Variants in CCP110 observed in about 807,000 individuals in gnomAD.
CCP110 encodes centriolar coiled-coil protein 110, also known as centriolar coiled-coil protein of 110 kDa.
A neutral mutation model predicts 105.5 loss-of-function variants in CCP110; 43 were observed. The ratio of observed to expected loss-of-function variants is 0.41; its 90% CI spans 0.32 to 0.53. The LOEUF (loss-of-function observed/expected upper bound fraction) is 0.53. CCP110 is among the 20% of genes least tolerant of loss of function. The pLI, the probability that CCP110 is intolerant of heterozygous loss-of-function variation, is 0.32. For synonymous variants in CCP110, 353 were observed against 392.1 expected (o/e 0.90, Z 1.18); for missense variants, 1,016 against 1,189.1 (o/e 0.85, Z 2.14).
chr16:19,545,203 G>C, exon 10 of CCP110: 1 of 1,557,602 alleles, frequency 6.4e-7, no homozygotes, highest in Non-Finnish European at 8.8e-7. Flanking sequence ...AAAATGCTCA[G>C]GCAAATGGTA....
chr16:19,540,027 C>T lies in CCP110; in HGVS notation c.1919-630C>T, dbSNP rs568907907. ...CGAACTCCTGACCTCAAGTGATCCA[C>T]CTGCCTTGGCCTCCCAAAGTACTGG... On this transcript the variant is annotated intron_variant, in intron 4 of 14. Transcript: ENST00000381396. Among the ~76,000 whole-genome samples the T allele has an allele frequency of 5.3e-5, 8 of 152,196 alleles. No individual in the cohort carries two copies. In the South Asian group the frequency reaches 6.2e-4, roughly 12 times the overall value.
chr16:19,536,989 T>G, exon 4 of CCP110: 1 of 1,614,204 alleles, frequency 6.2e-7, no homozygotes, highest in Non-Finnish European at 8.5e-7. Flanking sequence ...CAAGCAAGGT[T>G]TATGTGGGCA....
exon 15 of CCP110, chr16:19,551,274 T>TG: frequency 6.3e-7 from 1 of 1,583,230 alleles, no homozygotes. Context: ...TAGGATAAAA[T>TG]GGGGGGAAGG....
intron 2 of CCP110, among the ~76,000 whole-genome samples, chr16:19,530,058 G>T (rs8060736): frequency 0.018 from 2,669 of 152,136 alleles, 92 homozygotes; most frequent in African/African-American, 0.062. Context: ...AGAGCTGGGT[G>T]TGGTGGCGCG....
At chr16:19,537,528 G>C in exon 4 of CCP110, 1 of 1,604,910 alleles carries the variant, frequency 6.2e-7, no homozygotes, top group Non-Finnish European at 8.5e-7. Flanking sequence ...CCAGAAAAAA[G>C]ATACCCTAAG....
chr16:19,535,092 G>A (rs1005129839), intron 3 of CCP110, among the ~76,000 whole-genome samples: 5 of 151,934 alleles, frequency 3.3e-5, no homozygotes, highest in African/African-American at 1.2e-4. Context: ...GTGTTAGCCA[G>A]GATGATCTTG....
exon 4 of CCP110, chr16:19,536,591 C>A: frequency 6.2e-7 from 1 of 1,614,136 alleles, no homozygotes; most frequent in Non-Finnish European, 8.5e-7. Context: ...TGCTTCCACT[C>A]AAGCAAGCAG....
At position 19,541,870 on chromosome 16, in the gene CCP110, A is replaced by G; in HGVS notation, c.2050-17A>G. The G allele has an allele frequency of 6.6e-7, 1 of 1,513,086 alleles. No individual in the cohort carries two copies. The highest frequency in any genetic ancestry group is 8.9e-7 in the Non-Finnish European group (1 of 1,122,774). The allele number at this position is 1,513,086 out of a possible 1,614,324, so 93.7% of individuals were successfully genotyped here. ...ATTAAAAGGTTTAGCATGTTACAAT[A>G]AACTGTTCATGTATAGGAAATAGAA... On this transcript the variant is annotated splice_polypyrimidine_tract_variant and intron_variant, in intron 5 of 14. Coordinates refer to ENST00000381396, the Ensembl canonical transcript of CCP110.
intron 4 of CCP110, among the ~76,000 whole-genome samples, chr16:19,540,013 C>A (rs1249210016): frequency 2.0e-5 from 3 of 151,552 alleles, no homozygotes; most frequent in East Asian, 3.9e-4. Flanking sequence ...GAACTCCTGA[C>A]CTCAAGTGAT....
intron 12 of CCP110, 53 bp downstream of exon 12, chr16:19,546,527 A>G: frequency 8.7e-7 from 1 of 1,148,652 alleles, no homozygotes; most frequent in Non-Finnish European, 1.3e-6. Flanking sequence ...TTATAGAAAA[A>G]AAAAATTGGC....
chr16:19,551,123 A>T (rs1466551604), intron 14 of CCP110, 73 bp from the exon 14 acceptor site: 1 of 888,384 alleles, frequency 1.1e-6, no homozygotes, highest in African/African-American at 1.6e-5. Flanking sequence ...GTTCCAGAGT[A>T]AAAACTCATT....
rs550095345 is a variant in CCP110, at chr16:19,538,245, AAGC to A, written c.1918+659_1918+661del. Among the ~76,000 whole-genome samples, 597 of 149,714 alleles carry A rather than the reference AAGC, an allele frequency of 4.0e-3. 3 individuals carry two copies. The highest frequency in any genetic ancestry group is 0.014 in the Middle Eastern group (4 of 288). On this transcript the variant is annotated intron_variant, in intron 4 of 14. Coordinates refer to ENST00000381396, the Ensembl canonical transcript of CCP110. The stretch of plus-strand genomic sequence containing the variant: ...GATGGATCTTCTTATTTAAATGATG[AAGC>A]TTTCATAGTCCACTTGGTATTATTG...
At chr16:19,530,847 G>A (rs1969841677) in intron 2 of CCP110, among the ~76,000 whole-genome samples, 3 of 152,052 alleles carry the variant, frequency 2.0e-5, no homozygotes, top group South Asian at 2.1e-4. Flanking sequence ...CCAGCTGTGC[G>A]TTAGGCCGAG....
chr16:19,536,312 C>G, exon 4 of CCP110: 17 of 1,613,262 alleles, frequency 1.1e-5, no homozygotes, highest in Non-Finnish European at 1.4e-5. Context: ...GGATCTACCA[C>G]TTTTGGCAGA....
rs760137709 is a variant in CCP110, at chr16:19,536,642, A to C, written c.973A>C (p.Ile325Leu). The change falls in exon 4 of 15, where the codon ATA becomes CTA. Residue 325 changes from isoleucine (I) to leucine (L), a missense_variant. Coordinates refer to ENST00000381396, the Ensembl canonical transcript of CCP110. The stretch of plus-strand genomic sequence containing the variant: ...TTTAGCTAGCTTTTCGAAAGTGGAC[A>C]TACCTATACGAACTGGCCATCCCAC... 2 of 1,614,182 alleles carry C rather than the reference A, an allele frequency of 1.2e-6. No individual in the cohort carries two copies. The highest frequency in any genetic ancestry group is 4.5e-5 in the East Asian group (2 of 44,880).
chr16:19,538,941 G>A (rs1478521151), intron 4 of CCP110, among the ~76,000 whole-genome samples: 3 of 151,628 alleles, frequency 2.0e-5, no homozygotes, highest in Non-Finnish European at 2.9e-5. Flanking sequence ...GCGAAACCCC[G>A]TCTCTACTAA....
intron 1 of CCP110, chr16:19,525,790 T>TA (rs1443751688): frequency 6.6e-6 from 1 of 152,666 alleles, no homozygotes; most frequent in Non-Finnish European, 1.5e-5. Flanking sequence ...TACCTGTACT[T>TA]ATGGCGCTTA....
intron 3 of CCP110, among the ~76,000 whole-genome samples, chr16:19,534,796 G>A (rs1017935472): frequency 4.7e-5 from 7 of 150,248 alleles, no homozygotes; most frequent in Non-Finnish European, 1.0e-4. Context: ...GATTTGTAAC[G>A]TAAAATAGGA....
chr16:19,536,479 G>T, exon 4 of CCP110: 1 of 1,614,022 alleles, frequency 6.2e-7, no homozygotes. Flanking sequence ...CTGTTGAAGT[G>T]GCTGACTGTG....
Sources: allele counts gnomAD v4.1 joint callset (sites outside exome capture counted in the v4.1 genomes callset), GRCh38; gene constraint gnomAD v4.1.1; transcripts MANE v1.5; gene names NCBI Gene and HGNC (gene_info 2026-07-23, HGNC 2026-07-21).